The following TIAM1 variants were observed in gnomAD, a reference collection of about 807,000 sequenced individuals.
The protein encoded by TIAM1 is rho guanine nucleotide exchange factor TIAM1.
Under a neutral mutation model 163.5 loss-of-function variants are expected in TIAM1, and 65 were observed. The ratio of observed to expected loss-of-function variants is 0.40; its 90% confidence interval spans 0.33 to 0.49. TIAM1 has a LOEUF of 0.49. Ranked by LOEUF, TIAM1 falls within the 20% of genes least tolerant of loss-of-function variation. The probability of loss-of-function intolerance (pLI) is 0.77; values close to 1 mark genes in which losing one functional copy is unlikely to be tolerated. For missense variants in TIAM1, 1,789 were observed against 2,044.7 expected, an observed-to-expected ratio of 0.87 and a Z score of 2.41; for synonymous variants, 833 against 810.1, an observed-to-expected ratio of 1.03 and a Z score of -0.48.
At chr21:31,151,388 G>C (rs2083363984) in intron 19 of TIAM1, among the ~76,000 whole-genome samples, 1 of 152,180 alleles carries the variant, frequency 6.6e-6, no homozygotes, top group African/African-American at 2.4e-5. Flanking sequence ...GCAATGAAAA[G>C]GGATGAGCTC....
intron 2 of TIAM1, among the ~76,000 whole-genome samples, chr21:31,411,439 T>C (rs1446495110): frequency 2.7e-5 from 4 of 149,748 alleles, no homozygotes; most frequent in Non-Finnish European, 5.9e-5. Context: ...CCGTGGAAGA[T>C]AAATGTATAC....
chr21:31,121,802 C>A (rs1208586448), intron 27 of TIAM1, among the ~76,000 whole-genome samples: 1 of 152,202 alleles, frequency 6.6e-6, no homozygotes, highest in Non-Finnish European at 1.5e-5. Flanking sequence ...AAGACACCAT[C>A]CGATCAAGCC....
intron 2 of TIAM1, among the ~76,000 whole-genome samples, chr21:31,429,658 G>A (rs1246701687): frequency 6.6e-6 from 1 of 152,038 alleles, no homozygotes; most frequent in Non-Finnish European, 1.5e-5. Flanking sequence ...AGCAGAGTTA[G>A]GCGTGGGCGC....
At chr21:31,257,716 G>A (rs1050086697) in intron 4 of TIAM1, among the ~76,000 whole-genome samples, 9 of 151,986 alleles carry the variant, frequency 5.9e-5, no homozygotes, top group African/African-American at 1.7e-4. Context: ...CCGGTGTCCC[G>A]CGTTAAAACT....
At position 31,546,108 on chromosome 21, in the gene TIAM1, C is replaced by T. The variant is rs552895491; in HGVS notation, c.-422+12819G>A. Among the ~76,000 whole-genome samples the T allele has an allele frequency of 6.6e-5, 10 of 151,416 alleles. No individual in the cohort carries two copies. In the South Asian group the frequency reaches 1.9e-3, roughly 28 times the overall value. ...TTTTAATAAAAGAAAATAACAACCACCCTTAATCTCAACACTAAAGAATAT... is the reference window on the plus strand; with the variant it reads ...TTTTAATAAAAGAAAATAACAACCATCCTTAATCTCAACACTAAAGAATAT... On this transcript the variant is annotated intron_variant, in intron 1 of 28. Coordinates refer to the TIAM1 transcript ENST00000286827.
At chr21:31,144,938 GA>G (rs999569913) in intron 20 of TIAM1, among the ~76,000 whole-genome samples, 27 of 150,022 alleles carry the variant, frequency 1.8e-4, no homozygotes, top group African/African-American at 6.6e-4. Context: ...ATTGAATTAA[GA>G]AAAAATCCAT....
chr21:31,245,846 C>A (rs2071472422), intron 5 of TIAM1, among the ~76,000 whole-genome samples, 186 bp from the exon 6 acceptor site: 1 of 152,206 alleles, frequency 6.6e-6, no homozygotes, highest in Non-Finnish European at 1.5e-5. Flanking sequence ...GGACAAAGAT[C>A]TTAAATTGTA....
At chr21:31,142,589 C>T (rs1366810098) in intron 20 of TIAM1, among the ~76,000 whole-genome samples, 2 of 145,176 alleles carry the variant, frequency 1.4e-5, no homozygotes, top group Non-Finnish European at 3.0e-5. Context: ...CGAGATCGTG[C>T]CACTGCACTC....
At chr21:31,368,761 G>A (rs960041140) in intron 2 of TIAM1, among the ~76,000 whole-genome samples, 1 of 152,218 alleles carries the variant, frequency 6.6e-6, no homozygotes, top group Non-Finnish European at 1.5e-5. Flanking sequence ...TAGCAGCAGG[G>A]GGAAATATGG....
Position 31,125,614 on chromosome 21 carries a change from G to A in TIAM1, c.4134-920C>T, listed in dbSNP as rs150936912. ...TTTTGACACAGAGTCTCGCTCTGTCGCCCAGGCTGGAGTGCAGTGGTATGA... is the reference window on the plus strand; with the variant it reads ...TTTTGACACAGAGTCTCGCTCTGTCACCCAGGCTGGAGTGCAGTGGTATGA... On this transcript the variant is annotated intron_variant, in intron 26 of 27. Transcript: ENST00000541036. Among the ~76,000 whole-genome samples, 28 of 152,116 alleles carry A rather than the reference G, an allele frequency of 1.8e-4. No individual in the cohort carries two copies. The East Asian group carries it at 3.9e-3, about 21-fold the overall frequency.
intron 14 of TIAM1, among the ~76,000 whole-genome samples, chr21:31,185,245 G>C (rs1261293472): frequency 1.3e-5 from 2 of 151,782 alleles, no homozygotes; most frequent in Non-Finnish European, 2.9e-5. Flanking sequence ...TATTTACAGC[G>C]AGTATAGTGG....
At chr21:31,397,535 T>C (rs1322246464) in intron 2 of TIAM1, among the ~76,000 whole-genome samples, 1 of 152,190 alleles carries the variant, frequency 6.6e-6, no homozygotes, top group African/African-American at 2.4e-5. Context: ...GAAAATCACA[T>C]TGACCAAATC....
At chr21:31,219,900 T>C (rs2087461695) in intron 8 of TIAM1, among the ~76,000 whole-genome samples, 1 of 152,040 alleles carries the variant, frequency 6.6e-6, no homozygotes. Flanking sequence ...ATGTAAAAAT[T>C]TTCTCTTCTC....
chr21:31,363,815 A>G (rs1238905424), intron 2 of TIAM1, among the ~76,000 whole-genome samples: 1 of 152,146 alleles, frequency 6.6e-6, no homozygotes, highest in African/African-American at 2.4e-5. Context: ...TCTGTTTCTG[A>G]GGAAACTCTG....
chr21:31,418,752 G>T (rs999300499), intron 2 of TIAM1, among the ~76,000 whole-genome samples: 2 of 152,144 alleles, frequency 1.3e-5, no homozygotes, highest in African/African-American at 4.8e-5. Flanking sequence ...AAAACACACC[G>T]CCAGAGAAGA....
intron 12 of TIAM1, among the ~76,000 whole-genome samples, chr21:31,199,562 G>A (rs1468962303): frequency 2.0e-5 from 3 of 149,410 alleles, no homozygotes; most frequent in African/African-American, 7.4e-5. Context: ...ACAGAATCTG[G>A]CTTTGCCACC....
intron 2 of TIAM1, among the ~76,000 whole-genome samples, chr21:31,445,314 T>C (rs528619341): frequency 3.3e-5 from 5 of 152,302 alleles, no homozygotes; most frequent in African/African-American, 1.2e-4. Context: ...CCTTCTGTAA[T>C]GCTAAGACCA....
intron 2 of TIAM1, among the ~76,000 whole-genome samples, chr21:31,433,432 C>T (rs189663796): frequency 3.3e-5 from 5 of 152,298 alleles, no homozygotes; most frequent in Admixed American, 3.3e-4. Flanking sequence ...ATGCCATTTG[C>T]AGATACAACC....
chr21:31,523,855 T>C (rs1358388043), intron 1 of TIAM1, among the ~76,000 whole-genome samples: 1 of 150,226 alleles, frequency 6.7e-6, no homozygotes, highest in Non-Finnish European at 1.5e-5. Context: ...GAGGTGGAGG[T>C]TGCAGTGAGC....
Sources: gnomAD v4.1 joint callset for allele counts (sites outside exome capture counted in the v4.1 genomes callset) on GRCh38, gnomAD v4.1.1 for gene constraint, MANE v1.5 for transcripts, NCBI Gene and HGNC (gene_info 2026-07-23, HGNC 2026-07-21) for gene names.